Variants in SLC25A21 observed in about 807,000 individuals in gnomAD.
The protein encoded by SLC25A21 is mitochondrial 2-oxodicarboxylate carrier.
SLC25A21 carries 47 observed loss-of-function variants against 43.8 expected under a neutral mutation model. That is an observed-to-expected ratio of 1.07 (90% CI 0.85 to 1.37). The LOEUF is 1.37. Ranked by LOEUF, SLC25A21 falls within the 40% of genes most tolerant of loss-of-function variation. SLC25A21 has a pLI of 0.00. For synonymous variants in SLC25A21, 131 were observed against 121.3 expected (o/e 1.08, Z -0.52); for missense variants, 352 against 350.2 (o/e 1.00, Z -0.04).
At chr14:36,738,718 T>C (rs935387102) in intron 3 of SLC25A21, among the ~76,000 whole-genome samples, 3 of 152,234 alleles carry the variant, frequency 2.0e-5, no homozygotes, top group Non-Finnish European at 4.4e-5. Flanking sequence ...GCAGCCTTTA[T>C]ATTTTGTTCT....
chr14:36,753,808 T>C (rs1885806880), intron 3 of SLC25A21, among the ~76,000 whole-genome samples: 1 of 152,030 alleles, frequency 6.6e-6, no homozygotes, highest in Non-Finnish European at 1.5e-5. Flanking sequence ...TTTCTCTCTA[T>C]AGTGTATCCA....
chr14:36,679,708 T>C lies in SLC25A21; in HGVS notation c.*950A>G. 2.0e-6 allele frequency: 2 copies of C among 985,442 alleles called. No homozygotes were observed. Among genetic ancestry groups the C allele is most frequent in the Non-Finnish European group, 2.4e-6 (2 of 829,908 alleles). 61.0% of individuals were successfully genotyped at this position (985,442 alleles called of 1,614,324 possible). ...TAAAACTAATAACCTGAAAATGCAGTTCTGTTCTATACATTCTTCCTAAAA... is the reference window on the plus strand; with the variant it reads ...TAAAACTAATAACCTGAAAATGCAGCTCTGTTCTATACATTCTTCCTAAAA... On this transcript the variant is annotated 3_prime_UTR_variant, in exon 10 of 10. Coordinates refer to ENST00000331299, the MANE Select transcript of SLC25A21 (RefSeq NM_030631.4).
intron 1 of SLC25A21, among the ~76,000 whole-genome samples, chr14:37,057,363 A>C (rs1182660866): frequency 2.0e-5 from 3 of 152,266 alleles, no homozygotes; most frequent in Admixed American, 6.5e-5. Flanking sequence ...CTGGCCAATA[A>C]ATTTTATGAT....
chr14:37,067,426 T>A (rs1962082713), intron 1 of SLC25A21, among the ~76,000 whole-genome samples: 1 of 152,156 alleles, frequency 6.6e-6, no homozygotes, highest in Admixed American at 6.5e-5. Context: ...TGAGAGACAA[T>A]AACTGCCAAC....
At chr14:36,785,750 A>T (rs1489064589) in intron 3 of SLC25A21, among the ~76,000 whole-genome samples, 2 of 152,166 alleles carry the variant, frequency 1.3e-5, no homozygotes, top group Non-Finnish European at 2.9e-5. Context: ...GTCACCTTGC[A>T]AGAAGAATAA....
intron 1 of SLC25A21, among the ~76,000 whole-genome samples, chr14:37,171,328 T>C (rs925480366): frequency 6.6e-6 from 1 of 152,154 alleles, no homozygotes; most frequent in Non-Finnish European, 1.5e-5. Context: ...AGTAATCCCT[T>C]ACAAAAAGTC....
intron 1 of SLC25A21, chr14:37,098,657 G>A (rs1015110646): frequency 1.3e-5 from 2 of 151,952 alleles, no homozygotes; most frequent in Admixed American, 1.3e-4. Context: ...TATTTCCTGG[G>A]CTGACGACTA....
At chr14:37,129,529 C>G (rs1388346510) in intron 1 of SLC25A21, among the ~76,000 whole-genome samples, 1 of 152,148 alleles carries the variant, frequency 6.6e-6, no homozygotes, top group African/African-American at 2.4e-5. Flanking sequence ...TAATCCTACA[C>G]TTGCAAACAA....
At chr14:36,897,639 GCT>G (rs1374353767) in intron 1 of SLC25A21, among the ~76,000 whole-genome samples, 2 of 152,148 alleles carry the variant, frequency 1.3e-5, no homozygotes, top group Non-Finnish European at 2.9e-5. Context: ...CAGTTTTACT[GCT>G]CTGTTTTTCC....
chr14:36,810,859 TA>T (rs1888216097), intron 3 of SLC25A21, among the ~76,000 whole-genome samples: 1 of 38,250 alleles, frequency 2.6e-5, no homozygotes, highest in South Asian at 8.1e-4. Flanking sequence ...TGCTATATTT[TA>T]TACAGCATAT....
chr14:36,697,981 G>A (rs890624481), intron 7 of SLC25A21, among the ~76,000 whole-genome samples: 35 of 152,154 alleles, frequency 2.3e-4, no homozygotes, highest in East Asian at 1.2e-3. Flanking sequence ...TACTTTGCCC[G>A]TTAATTGATG....
chr14:37,081,678 T>C (rs1441367773), intron 1 of SLC25A21, among the ~76,000 whole-genome samples: 1 of 152,234 alleles, frequency 6.6e-6, no homozygotes, highest in East Asian at 1.9e-4. Flanking sequence ...TAGTAACAAT[T>C]AGGAATTAAA....
Position 36,683,814 on chromosome 14 carries a change from A to C in SLC25A21, c.838+14T>G. 6.3e-7 allele frequency: 1 copy of C among 1,586,348 alleles called. No homozygotes were observed. The highest frequency in any genetic ancestry group is 8.6e-7 in the Non-Finnish European group (1 of 1,163,450). On this transcript the variant is annotated intron_variant, in intron 9 of 9. Transcript: ENST00000331299. ...ATAAAGAAGGAAGGATTAAATAATCAAAATTATCATTACCTGGTCCAAGTC... is the reference window on the plus strand; with the variant it reads ...ATAAAGAAGGAAGGATTAAATAATCCAAATTATCATTACCTGGTCCAAGTC...
At chr14:36,718,641 G>C (rs1001645196) in intron 6 of SLC25A21, among the ~76,000 whole-genome samples, 11 of 152,242 alleles carry the variant, frequency 7.2e-5, no homozygotes, top group Admixed American at 2.0e-4. Flanking sequence ...TAAGCTTTGT[G>C]ATATCATACA....
intron 3 of SLC25A21, among the ~76,000 whole-genome samples, chr14:36,787,871 A>G (rs1188474066): frequency 6.6e-6 from 1 of 152,206 alleles, no homozygotes; most frequent in Non-Finnish European, 1.5e-5. Flanking sequence ...AGTTTCTGTG[A>G]CTAGTTCTTT....
At chr14:37,026,678 A>T (rs550609733) in intron 1 of SLC25A21, among the ~76,000 whole-genome samples, 1 of 152,322 alleles carries the variant, frequency 6.6e-6, no homozygotes, top group South Asian at 2.1e-4. Flanking sequence ...TCAGAGCTGC[A>T]AAATGCTATT....
At chr14:36,694,103 C>T (rs1882911995) in intron 7 of SLC25A21, among the ~76,000 whole-genome samples, 3 of 152,112 alleles carry the variant, frequency 2.0e-5, no homozygotes, top group East Asian at 1.9e-4. Flanking sequence ...TGATGTTCCC[C>T]GCCCTGTGTC....
chr14:36,719,820 G>C (rs1354603724), intron 6 of SLC25A21, among the ~76,000 whole-genome samples: 1 of 152,176 alleles, frequency 6.6e-6, no homozygotes, highest in Non-Finnish European at 1.5e-5. Context: ...GGCATATTTT[G>C]TGGGTAACAT....
chr14:36,712,229 T>G (rs1223059909), intron 6 of SLC25A21, among the ~76,000 whole-genome samples: 1 of 152,152 alleles, frequency 6.6e-6, no homozygotes, highest in Non-Finnish European at 1.5e-5. Flanking sequence ...ACAATACAAT[T>G]ACAATTCACA....
Sources: gnomAD v4.1 joint callset for allele counts (sites outside exome capture counted in the v4.1 genomes callset) on GRCh38, gnomAD v4.1.1 for gene constraint, MANE v1.5 for transcripts, NCBI Gene and HGNC (gene_info 2026-07-23, HGNC 2026-07-21) for gene names.